Variants in MCC observed in about 807,000 individuals in gnomAD.
MCC encodes colorectal mutant cancer protein.
In MCC, 90 loss-of-function variants were observed where a neutral mutation model predicts 116.2. That is an observed-to-expected ratio of 0.77 (90% CI 0.65 to 0.92). MCC has a LOEUF of 0.92. Among genes scored for constraint, MCC ranks in the 40% least tolerant of loss-of-function variants. MCC has a pLI of 0.00. For missense variants in MCC, 1,516 were observed against 1,312.2 expected (o/e 1.16, Z -2.40); for synonymous variants, 578 against 510.5 (o/e 1.13, Z -1.78).
At chr5:113,042,609 C>T (rs946927485) in intron 17 of MCC, among the ~76,000 whole-genome samples, 3 of 150,752 alleles carry the variant, frequency 2.0e-5, no homozygotes, top group African/African-American at 7.3e-5. Flanking sequence ...ATGAACCTAA[C>T]TAAAGAATAA....
At chr5:113,474,557 T>C (rs532683093) in intron 1 of MCC, among the ~76,000 whole-genome samples, 12 of 152,290 alleles carry the variant, frequency 7.9e-5, no homozygotes, top group Admixed American at 2.6e-4. Flanking sequence ...TCTGAACTTA[T>C]CTGTAAGGAA....
At chr5:113,249,911 C>T (rs1469344189) in intron 3 of MCC, among the ~76,000 whole-genome samples, 1 of 152,126 alleles carries the variant, frequency 6.6e-6, no homozygotes, top group African/African-American at 2.4e-5. Flanking sequence ...TAAGATTTGC[C>T]ATGTTAATAG....
chr5:113,370,416 G>A (rs1012617485), intron 2 of MCC, among the ~76,000 whole-genome samples: 4 of 152,256 alleles, frequency 2.6e-5, no homozygotes, highest in East Asian at 3.9e-4. Context: ...TAACAGAAAC[G>A]TCACAAAACT....
intron 14 of MCC, among the ~76,000 whole-genome samples, chr5:113,058,636 G>C (rs1753000592): frequency 6.6e-6 from 1 of 152,188 alleles, no homozygotes; most frequent in East Asian, 1.9e-4. Context: ...TCTACGAGCA[G>C]GTCTCTGATG....
intron 1 of MCC, among the ~76,000 whole-genome samples, chr5:113,423,458 C>G (rs762688169): frequency 4.6e-5 from 7 of 152,192 alleles, no homozygotes; most frequent in Non-Finnish European, 1.0e-4. Context: ...CTAGAAGCAA[C>G]AATTCAATAT....
In MCC at chr5:113,185,247, AGGAGAGTTGTAAATG is replaced by A. The variant is rs566082482; in HGVS notation, c.628-33840_628-33826del. ...ATCAGAGGGGTTGAGAGGGTGAGGA[AGGAGAGTTGTAAATG>A]GGAGTGGACTTACTTTATGCAGTCA... is the stretch of plus-strand genomic sequence containing the variant. On this transcript the variant is annotated intron_variant, in intron 3 of 18. Transcript: ENST00000408903. 2.0e-5 allele frequency among the ~76,000 whole-genome samples: 3 copies of A among 152,248 alleles called. No homozygotes were observed. The East Asian group carries it at 5.8e-4, about 29-fold the overall frequency.
intron 3 of MCC, among the ~76,000 whole-genome samples, chr5:113,210,111 T>C (rs1305726140): frequency 6.6e-6 from 1 of 152,176 alleles, no homozygotes; most frequent in East Asian, 1.9e-4. Context: ...AGCACACATT[T>C]GACATTAGCA....
chr5:113,394,855 C>A (rs1379721459), intron 1 of MCC, among the ~76,000 whole-genome samples: 1 of 152,234 alleles, frequency 6.6e-6, no homozygotes, highest in Non-Finnish European at 1.5e-5. Flanking sequence ...GCAGCCAAAT[C>A]TAGATCATTT....
intron 3 of MCC, among the ~76,000 whole-genome samples, chr5:113,251,428 G>T (rs1311113757): frequency 6.6e-6 from 1 of 152,174 alleles, no homozygotes; most frequent in African/African-American, 2.4e-5. Context: ...TTTTCTGATA[G>T]TTGGAAATCT....
Position 113,063,849 on chromosome 5 carries a change from G to C in MCC, c.2213+135C>G, listed in dbSNP as rs1580964561. 3.3e-6 allele frequency: 3 copies of C among 900,510 alleles called. No individual in the cohort carries two copies. In the East Asian group the frequency reaches 8.2e-5, roughly 24 times the overall value. The allele number at this position is 900,510 out of a possible 1,614,324, so 55.8% of individuals were successfully genotyped here. A position where few individuals can be genotyped will look rare whatever the true frequency, so the allele number is the denominator to read the frequency against. On this transcript the variant is annotated intron_variant, in intron 14 of 18. Coordinates refer to ENST00000408903, the MANE Select transcript of MCC (RefSeq NM_001085377.2). Reference sequence around the variant, plus strand: ...TTCTGACTCCTTTTTGGATGGAGCAGGCTGCATGCCAGAAGCCATGTCTGC... The same window carrying C: ...TTCTGACTCCTTTTTGGATGGAGCACGCTGCATGCCAGAAGCCATGTCTGC...
chr5:113,232,912 T>A (rs1020529734), intron 3 of MCC, among the ~76,000 whole-genome samples: 4 of 152,134 alleles, frequency 2.6e-5, no homozygotes, highest in Non-Finnish European at 5.9e-5. Context: ...AAAATGGAGA[T>A]GATTTAAAGT....
intron 3 of MCC, among the ~76,000 whole-genome samples, chr5:113,175,723 T>A (rs1164219062): frequency 6.6e-6 from 1 of 152,162 alleles, no homozygotes; most frequent in Non-Finnish European, 1.5e-5. Flanking sequence ...AGCAACCACA[T>A]AATATTCCTT....
intron 5 of MCC, among the ~76,000 whole-genome samples, chr5:113,135,309 C>G (rs1758745868): frequency 2.0e-5 from 3 of 148,264 alleles, no homozygotes; most frequent in African/African-American, 7.4e-5. Flanking sequence ...AATCCCAGCA[C>G]TTTGGGAGGC....
rs1750471930 is a variant in MCC at position 113,025,452 on chromosome 5, C to A, written c.*1850G>T. The A allele has an allele frequency of 6.6e-6, 1 of 151,968 alleles. No individual in the cohort carries two copies. Among genetic ancestry groups the A allele is most frequent in the Non-Finnish European group, 1.5e-5 (1 of 68,018 alleles). 9.4% of individuals were successfully genotyped at this position (151,968 alleles called of 1,614,324 possible). ...CCAGCCTGGCCAACATGGTGAAACC[C>A]TGTCTCTACTAAAAATACAAAAAAA... is the stretch of plus-strand genomic sequence containing the variant. On this transcript the variant is annotated 3_prime_UTR_variant, in exon 19 of 19. Coordinates refer to ENST00000408903, the MANE Select transcript of MCC (RefSeq NM_001085377.2).
intron 1 of MCC, among the ~76,000 whole-genome samples, chr5:113,425,256 A>G (rs1485175820): frequency 1.3e-5 from 2 of 152,224 alleles, no homozygotes; most frequent in Non-Finnish European, 2.9e-5. Context: ...TCAAAATTCC[A>G]AGAGAAAACA....
At chr5:113,173,789 T>C (rs764504412) in intron 3 of MCC, among the ~76,000 whole-genome samples, 11 of 152,128 alleles carry the variant, frequency 7.2e-5, no homozygotes, top group Non-Finnish European at 1.6e-4. Context: ...CCTAGAACAT[T>C]TGTCTTTAAC....
chr5:113,027,897 T>C (rs1438648683), intron 18 of MCC, among the ~76,000 whole-genome samples: 1 of 152,232 alleles, frequency 6.6e-6, no homozygotes, highest in Non-Finnish European at 1.5e-5. Flanking sequence ...AAAGTGACCA[T>C]ACCTGGGACG....
intron 12 of MCC, 52 bp downstream of exon 12, chr5:113,071,042 C>A (rs1405106836): frequency 2.5e-6 from 4 of 1,573,564 alleles, no homozygotes; most frequent in African/African-American, 1.4e-5. Flanking sequence ...GAAGGTTACT[C>A]TGGATGCACT....
At chr5:113,314,413 AG>A (rs1469701997) in intron 3 of MCC, among the ~76,000 whole-genome samples, 1 of 152,190 alleles carries the variant, frequency 6.6e-6, no homozygotes, top group Non-Finnish European at 1.5e-5. Flanking sequence ...AAATTAGAAA[AG>A]GGCATGTAAA....
Sources: allele counts gnomAD v4.1 joint callset (sites outside exome capture counted in the v4.1 genomes callset), GRCh38; gene constraint gnomAD v4.1.1; transcripts MANE v1.5; gene names NCBI Gene and HGNC (gene_info 2026-07-23, HGNC 2026-07-21).